The following PALS2 variants were observed in gnomAD, a reference collection of about 807,000 sequenced individuals.
The protein encoded by PALS2 is protein PALS2.
In PALS2, 27 loss-of-function variants were observed where a neutral mutation model predicts 61.6. The observed-to-expected ratio is 0.44, with a 90% CI of 0.32 to 0.60. The LOEUF (loss-of-function observed/expected upper bound fraction) is 0.60, where lower values mean the gene tolerates loss of function less well. PALS2 is among the 20% of genes least tolerant of loss of function. PALS2 has a pLI of 0.05. For synonymous variants in PALS2, 236 were observed against 218.6 expected (o/e 1.08, Z -0.70); for missense variants, 554 against 639.4 (o/e 0.87, Z 1.44).
intron 1 of PALS2, among the ~76,000 whole-genome samples, chr7:24,594,758 C>T (rs1237390305): frequency 2.6e-5 from 4 of 151,934 alleles, no homozygotes; most frequent in Non-Finnish European, 1.5e-5. Flanking sequence ...TTACCTTGAC[C>T]CTATCACCAT....
At chr7:24,673,976 C>G (rs2128026602) in intron 9 of PALS2, among the ~76,000 whole-genome samples, 1 of 152,006 alleles carries the variant, frequency 6.6e-6, no homozygotes, top group Admixed American at 6.6e-5. Flanking sequence ...TTTCATTCAT[C>G]TCAAAATACT....
At chr7:24,681,897 C>T (rs1245014432) in intron 11 of PALS2, among the ~76,000 whole-genome samples, 1 of 152,160 alleles carries the variant, frequency 6.6e-6, no homozygotes, top group East Asian at 1.9e-4. Flanking sequence ...TGATCCATGT[C>T]TCTACTTTCT....
chr7:24,576,779 T>G (rs1457524953), intron 1 of PALS2, among the ~76,000 whole-genome samples: 3 of 152,118 alleles, frequency 2.0e-5, no homozygotes, highest in Non-Finnish European at 2.9e-5. Flanking sequence ...AACAAATTGG[T>G]CTCCTCTTAT....
intron 2 of PALS2, among the ~76,000 whole-genome samples, chr7:24,628,910 A>G (rs1260108049): frequency 6.6e-6 from 1 of 152,200 alleles, no homozygotes; most frequent in African/African-American, 2.4e-5. Context: ...AAATGGTGAT[A>G]CTGCCCAAAG....
intron 1 of PALS2, among the ~76,000 whole-genome samples, chr7:24,577,839 C>G (rs866055392): frequency 9.2e-5 from 14 of 152,290 alleles, no homozygotes; most frequent in Middle Eastern, 6.8e-3. Flanking sequence ...TTAAAAATTT[C>G]TTCAAACCAT....
intron 1 of PALS2, among the ~76,000 whole-genome samples, chr7:24,588,558 T>C (rs17206955): frequency 0.063 from 9,594 of 152,252 alleles, 356 homozygotes; most frequent in African/African-American, 0.093. Context: ...TTTTTTCATA[T>C]ACTGTTTGAA....
chr7:24,582,781 A>G (rs531002672), intron 1 of PALS2, among the ~76,000 whole-genome samples: 17 of 151,908 alleles, frequency 1.1e-4, no homozygotes, highest in East Asian at 5.8e-4. Context: ...AGAAACTCCA[A>G]TAATTGGGTT....
At chr7:24,650,762 TCA>T (rs1215791408) in intron 5 of PALS2, 50 bp downstream of exon 5, 1 of 1,254,434 alleles carries the variant, frequency 8.0e-7, no homozygotes, top group South Asian at 1.6e-5. Flanking sequence ...ATGTTTTTAA[TCA>T]CAGTGTTGGA....
chr7:24,607,648 T>TGC (rs1783964901), intron 1 of PALS2, among the ~76,000 whole-genome samples: 1 of 150,260 alleles, frequency 6.7e-6, no homozygotes, highest in Non-Finnish European at 1.5e-5. Context: ...TGTATGTATA[T>TGC]GTATGCGTAT....
At chr7:24,680,712 C>T (rs1336116097) in intron 11 of PALS2, among the ~76,000 whole-genome samples, 192 bp downstream of exon 11, 3 of 152,226 alleles carry the variant, frequency 2.0e-5, no homozygotes, top group Non-Finnish European at 4.4e-5. Context: ...TCTCCTGCCT[C>T]AGCCTCCCAA....
chr7:24,673,880 CT>C, intron 9 of PALS2, among the ~76,000 whole-genome samples: 2 of 151,846 alleles, frequency 1.3e-5, no homozygotes, highest in Admixed American at 1.3e-4. Context: ...GATTTGAGAT[CT>C]TTTTTAACAT....
chr7:24,601,803 T>C (rs1441507907), intron 1 of PALS2, among the ~76,000 whole-genome samples: 1 of 152,088 alleles, frequency 6.6e-6, no homozygotes, highest in Non-Finnish European at 1.5e-5. Flanking sequence ...ATCTTCTACC[T>C]TTAGATGTCA....
chr7:24,655,630 ATTTTTTTT>A (rs770410952), intron 5 of PALS2, among the ~76,000 whole-genome samples: 21 of 96,926 alleles, frequency 2.2e-4, no homozygotes, highest in Middle Eastern at 6.3e-3. Flanking sequence ...TAGTTAGTAG[ATTTTTTTT>A]TTTTTTTTTT....
intron 1 of PALS2, among the ~76,000 whole-genome samples, chr7:24,599,758 G>A (rs1450035671): frequency 6.6e-6 from 1 of 151,936 alleles, no homozygotes; most frequent in Non-Finnish European, 1.5e-5. Context: ...ACCTGCCTCA[G>A]CCTCCCAAAG....
intron 2 of PALS2, among the ~76,000 whole-genome samples, chr7:24,641,098 G>GA (rs1243949564): frequency 6.8e-6 from 1 of 148,066 alleles, no homozygotes; most frequent in Non-Finnish European, 1.5e-5. Context: ...GTGAGATTAA[G>GA]AAAAAAACAA....
intron 11 of PALS2, among the ~76,000 whole-genome samples, chr7:24,680,829 C>T (rs1255426178): frequency 6.6e-6 from 1 of 152,182 alleles, no homozygotes; most frequent in Admixed American, 6.5e-5. Context: ...CTCCTGACCT[C>T]AGGCAATCTG....
intron 9 of PALS2, among the ~76,000 whole-genome samples, chr7:24,676,569 G>T (rs1239353791): frequency 6.6e-6 from 1 of 152,018 alleles, no homozygotes; most frequent in Non-Finnish European, 1.5e-5. Flanking sequence ...GTAAGGAAGG[G>T]ATCCAGTTTC....
At chr7:24,629,171 C>T (rs1395187699) in intron 2 of PALS2, among the ~76,000 whole-genome samples, 2 of 152,096 alleles carry the variant, frequency 1.3e-5, no homozygotes, top group Admixed American at 6.5e-5. Context: ...GGACAGAGGC[C>T]TCAGAAATGA....
At chr7:24,681,008 T>G (rs1336027419) in intron 11 of PALS2, among the ~76,000 whole-genome samples, 2 of 152,252 alleles carry the variant, frequency 1.3e-5, no homozygotes, top group East Asian at 3.8e-4. Context: ...TTGAAAATCA[T>G]TGTACACTTT....
Sources: allele counts gnomAD v4.1 joint callset (sites outside exome capture counted in the v4.1 genomes callset), GRCh38; gene constraint gnomAD v4.1.1; transcripts MANE v1.5; gene names NCBI Gene and HGNC (gene_info 2026-07-23, HGNC 2026-07-21).